The following PPOX variants were observed in gnomAD, a reference collection of about 807,000 sequenced individuals.
The protein encoded by PPOX is variegate porphyria.
PPOX carries 23 observed loss-of-function variants against 54.1 expected under a neutral mutation model. The ratio of observed to expected loss-of-function variants is 0.43; its 90% CI spans 0.31 to 0.60. The LOEUF (loss-of-function observed/expected upper bound fraction) is 0.60, where lower values mean the gene tolerates loss of function less well. PPOX is among the 20% of genes least tolerant of loss of function. The probability of loss-of-function intolerance (pLI) is 0.13; values close to 1 mark genes in which losing one functional copy is unlikely to be tolerated. For missense variants in PPOX, 512 were observed against 601.1 expected (o/e 0.85, Z 1.55); for synonymous variants, 224 against 236.1 (o/e 0.95, Z 0.47).
chr1:161,170,018 TGTC>T lies in PPOX; in HGVS notation c.982_984del (p.Val328del). The T allele has an allele frequency of 6.2e-7, 1 of 1,613,266 alleles. No homozygotes were observed. Among genetic ancestry groups the T allele is most frequent in the Non-Finnish European group, 8.5e-7 (1 of 1,179,708 alleles). ...TGCAGTACCAAGGAGCCCATCTGCC[TGTC>T]CAGGTATGATAAAGGGACGGAGAGG... is the stretch of plus-strand genomic sequence containing the variant. On this transcript the variant is annotated inframe_deletion, in exon 9 of 13. Coordinates refer to ENST00000367999, the MANE Select transcript of PPOX (RefSeq NM_001122764.3).
At chr1:161,172,654 A>G (rs1393382380), downstream of PPOX, among the ~76,000 whole-genome samples, 2 of 151,396 alleles carry the variant, frequency 1.3e-5, no homozygotes, top group African/African-American at 4.8e-5. Context: ...TGTCAAAAGA[A>G]TAAGAGAAGA....
At position 161,169,187 on chromosome 1, in the gene PPOX, G is replaced by T. The variant is rs374821837; in HGVS notation, c.807+4G>T. 5.6e-6 allele frequency: 9 copies of T among 1,613,434 alleles called. No individual in the cohort carries two copies. Among genetic ancestry groups the T allele is most frequent in the Non-Finnish European group, 7.6e-6 (9 of 1,179,996 alleles). ...CCAGGCAGAAGGGCGCTGGAAGGTA[G>T]GGGAACCCCTGGAGTGTAATGAACC... On this transcript the variant is annotated splice_donor_region_variant and intron_variant, in intron 7 of 12. Coordinates refer to ENST00000367999, the MANE Select transcript of PPOX (RefSeq NM_001122764.3).
chr1:161,174,902 C>T, downstream of PPOX: 1 of 1,370,452 alleles, frequency 7.3e-7, no homozygotes. Context: ...TAAAATTATT[C>T]TAGGGACCCA....
chr1:161,172,378 G>A, downstream of PPOX: 2 of 1,518,504 alleles, frequency 1.3e-6, no homozygotes, highest in Non-Finnish European at 1.8e-6. Context: ...GTAGAGAAAA[G>A]CAAGGAAGGG....
In PPOX at chr1:161,167,996, G is replaced by A. The variant is rs755651402; in HGVS notation, c.340G>A (p.Gly114Arg). 1 of 1,614,130 alleles carries A rather than the reference G, an allele frequency of 6.2e-7. No individual in the cohort carries two copies. The highest frequency in any genetic ancestry group is 8.5e-7 in the Non-Finnish European group (1 of 1,180,026). ...CTCACTATGCCTTTCTCCATGCAGGGGGCTACTCCGCCCTTCACCCCCCTT... is the reference window on the plus strand; with the variant it reads ...CTCACTATGCCTTTCTCCATGCAGGAGGCTACTCCGCCCTTCACCCCCCTT... Reference protein sequence around the residue: ...ALHALPTGLRGLLRPSPPFSK... With the variant: ...ALHALPTGLRRLLRPSPPFSK... The change falls in exon 5 of 13, where the codon GGG becomes AGG. Residue 114 changes from glycine to arginine, a missense_variant and splice_region_variant. Gly to Arg is a moderately radical substitution (Grantham distance 125). Transcript: ENST00000367999.
downstream of PPOX, chr1:161,172,203 C>T: frequency 6.2e-7 from 1 of 1,613,314 alleles, no homozygotes; most frequent in Non-Finnish European, 8.5e-7. Flanking sequence ...TAACAATTCC[C>T]AGGCAGTCCT....
chr1:161,168,118 T>G lies in PPOX; in HGVS notation c.462T>G (p.Leu154=). 1 of 1,614,172 alleles carries G rather than the reference T, an allele frequency of 6.2e-7. No homozygotes were observed. Among genetic ancestry groups the G allele is most frequent in the Non-Finnish European group, 8.5e-7 (1 of 1,180,030 alleles). ...ETVHSFAQRR[L]GPEVASLAMD... is the part of the protein sequence containing the mutation. ...TGCACAGTTTTGCCCAGCGCCGCCT[T>G]GGACCTGAGGTGACACTTGCCCAGA... is the stretch of plus-strand genomic sequence containing the variant. The change falls in exon 5 of 13, where the codon CTT becomes CTG. Residue 154 remains leucine, a synonymous_variant. Transcript: ENST00000367999.
At chr1:161,174,061 T>A (rs377195925), downstream of PPOX, 9 of 1,611,626 alleles carry the variant, frequency 5.6e-6, no homozygotes, top group African/African-American at 1.2e-4. Flanking sequence ...TGGAAGATAA[T>A]GGAGGGGAAC....
intron 1 of PPOX, 64 bp from the exon 2 acceptor site, chr1:161,166,776 G>C: frequency 1.3e-6 from 2 of 1,598,802 alleles, no homozygotes; most frequent in Non-Finnish European, 1.7e-6. Flanking sequence ...ACTCAAAACC[G>C]GCGGGGCTTC....
chr1:161,167,398 G>GTGC lies in PPOX; in HGVS notation c.254_256dup (p.Leu85dup). ...TTCTGAGCTTGGCTTGGATTCAGAAGTGCTGCCTGTCCGGGGAGACCACCC... is the reference window on the plus strand; with the variant it reads ...TTCTGAGCTTGGCTTGGATTCAGAAGTGCTGCTGCCTGTCCGGGGAGACCACCC... On this transcript the variant is annotated inframe_insertion, in exon 4 of 13. Coordinates refer to ENST00000367999, the MANE Select transcript of PPOX (RefSeq NM_001122764.3). 6.2e-7 allele frequency: 1 copy of GTGC among 1,613,976 alleles called. No individual in the cohort carries two copies. The highest frequency in any genetic ancestry group is 8.5e-7 in the Non-Finnish European group (1 of 1,180,006).
chr1:161,167,564 T>A, intron 4 of PPOX, 78 bp downstream of exon 4: 6 of 1,346,014 alleles, frequency 4.5e-6, no homozygotes, highest in East Asian at 2.6e-5. Context: ...TTTCTTTTTT[T>A]TTTTTTTTTT....
chr1:161,168,189 T>G, intron 5 of PPOX, 62 bp downstream of exon 5: 2 of 1,612,920 alleles, frequency 1.2e-6, no homozygotes, highest in Non-Finnish European at 1.7e-6. Context: ...AGCTCCCTGT[T>G]CAAATCTACC....
chr1:161,166,381 A>C, upstream of PPOX: 4 of 1,052,292 alleles, frequency 3.8e-6, no homozygotes, highest in South Asian at 3.2e-5. Flanking sequence ...CCGCCAATCC[A>C]GATGTAGGAG....
Position 161,167,637 on chromosome 1 carries a change from T to A in PPOX, c.338+151T>A, listed in dbSNP as rs1015136368. 2.5e-5 allele frequency: 27 copies of A among 1,098,400 alleles called. No individual in the cohort carries two copies. The South Asian group carries it at 4.0e-4, about 16-fold the overall frequency. 68.0% of individuals were successfully genotyped at this position (1,098,400 alleles called of 1,614,324 possible). A position where few individuals can be genotyped will look rare whatever the true frequency, so the allele number is the denominator to read the frequency against. The stretch of plus-strand genomic sequence containing the variant: ...TGGAGTGCAATGGCGCGATCTTGGC[T>A]CACTGCAACTTCCGCCTTTCGGGTT... On this transcript the variant is annotated intron_variant, in intron 4 of 12. Coordinates refer to ENST00000367999, the MANE Select transcript of PPOX (RefSeq NM_001122764.3).
chr1:161,170,525 G>A lies in PPOX; in HGVS notation c.1098+6G>A, dbSNP rs753139484. The A allele has an allele frequency of 1.9e-6, 3 of 1,614,108 alleles. No homozygotes were observed. Among genetic ancestry groups the A allele is most frequent in the South Asian group, 2.2e-5 (2 of 91,088 alleles). ...CCCCTGGCCTCAGAGTGACTGTGAG[G>A]AGGAGGAAACTTTGCCTAGTGGCAT... On this transcript the variant is annotated splice_donor_region_variant and intron_variant, in intron 10 of 12. Transcript: ENST00000367999.
chr1:161,171,968 T>C (rs1159812547), downstream of PPOX: 4 of 1,613,988 alleles, frequency 2.5e-6, no homozygotes, highest in African/African-American at 5.3e-5. Flanking sequence ...CGAGGGTCAG[T>C]CCCAATGTCT....
intron 6 of PPOX, 144 bp downstream of exon 6, chr1:161,168,720 CA>C (rs1558028242): frequency 8.4e-7 from 1 of 1,188,016 alleles, no homozygotes; most frequent in Non-Finnish European, 1.2e-6. Context: ...TGCAGTGGTG[CA>C]ATCTCAGATC....
At chr1:161,172,785 T>C (rs1661927123), downstream of PPOX, among the ~76,000 whole-genome samples, 1 of 151,756 alleles carries the variant, frequency 6.6e-6, no homozygotes, top group Non-Finnish European at 1.5e-5. Flanking sequence ...CCTAGCACTT[T>C]TGGATGCCAA....
chr1:161,166,797 G>A, intron 1 of PPOX, 43 bp from the exon 2 acceptor site: 1 of 1,606,782 alleles, frequency 6.2e-7, no homozygotes, highest in African/African-American at 1.3e-5. Flanking sequence ...TGGAGCGCAG[G>A]TTGTCCCCGG....
Sources: gnomAD v4.1 joint callset for allele counts (sites outside exome capture counted in the v4.1 genomes callset) on GRCh38, gnomAD v4.1.1 for gene constraint, MANE v1.5 for transcripts, NCBI Gene and HGNC (gene_info 2026-07-23, HGNC 2026-07-21) for gene names.